The following LIN9 variants were observed in gnomAD, a reference collection of about 807,000 sequenced individuals.
The protein encoded by LIN9 is protein lin-9 homolog.
A neutral mutation model predicts 78.0 loss-of-function variants in LIN9; 18 were observed. The observed-to-expected ratio is 0.23, with a 90% confidence interval of 0.16 to 0.34. The LOEUF is 0.34. LIN9 is among the 10% of genes least tolerant of loss of function. The pLI is 1.00. For synonymous variants in LIN9, 192 were observed against 215.2 expected (o/e 0.89, Z 0.94); for missense variants, 451 against 644.1 (o/e 0.70, Z 3.25).
intron 11 of LIN9, among the ~76,000 whole-genome samples, chr1:226,242,181 G>A (rs1211984946): frequency 6.6e-6 from 1 of 152,214 alleles, no homozygotes; most frequent in African/African-American, 2.4e-5. Flanking sequence ...TTATCAAACA[G>A]TATGGTATTG....
In LIN9 at chr1:226,247,674, C is replaced by CTT. The variant is rs35184021; in HGVS notation, c.1119+3163_1119+3164dup. On this transcript the variant is annotated intron_variant, in intron 11 of 14. Transcript: ENST00000681046. The stretch of plus-strand genomic sequence containing the variant: ...TAATGCCTTGTTGTTTGTTTTCTTT[C>CTT]TTTTTTTTTTTTTTTGAGACAGAGT... 3.8e-3 allele frequency among the ~76,000 whole-genome samples: 522 copies of CTT among 138,868 alleles called. 2 individuals are homozygous for CTT. Among genetic ancestry groups the CTT allele is most frequent in the African/African-American group, 9.5e-3 (357 of 37,670 alleles). 91.1% of individuals were successfully genotyped at this position (138,868 alleles called of 152,430 possible).
In LIN9 at chr1:226,233,439, G is replaced by A. The variant is rs763134401; in HGVS notation, c.1330C>T (p.Arg444Trp). 6.8e-6 allele frequency: 11 copies of A among 1,613,982 alleles called. No individual in the cohort carries two copies. The highest frequency in any genetic ancestry group is 2.2e-5 in the East Asian group (1 of 44,898). Residue 444 changes from arginine to tryptophan, a missense_variant, in exon 13 of 15, where the codon CGG (arginine) becomes TGG (tryptophan). Arg to Trp is a moderately radical substitution (Grantham distance 101, BLOSUM62 -3). Coordinates refer to ENST00000681046, the MANE Select transcript of LIN9 (RefSeq NM_001366245.2). ...TGTCCTGTTGAGGAATTTGCATGCCGAACAATTTCCTGTGCTTCTTCCTCA... is the reference window on the plus strand; with the variant it reads ...TGTCCTGTTGAGGAATTTGCATGCCAAACAATTTCCTGTGCTTCTTCCTCA... ...RCEEEAQEIV[R>W]HANSSTGQPC...
At position 226,308,863 on chromosome 1, in the gene LIN9, G is replaced by A. The variant is rs189624281; in HGVS notation, c.31+246C>T. ...GCAGCCACCGCCTCCGCCTGGCACA[G>A]GCTGGACTCCCGGGCTCTCGGTTTC... is the stretch of plus-strand genomic sequence containing the variant. On this transcript the variant is annotated intron_variant, in intron 1 of 14. Transcript: ENST00000681046. 3.7e-3 allele frequency: 1,071 copies of A among 287,244 alleles called. 13 individuals carry two copies. The highest frequency in any genetic ancestry group is 0.021 in the African/African-American group (976 of 45,484). The allele number at this position is 287,244 out of a possible 1,614,324, so 17.8% of individuals were successfully genotyped here. A position where few individuals can be genotyped will look rare whatever the true frequency, so the allele number is the denominator to read the frequency against.
intron 1 of LIN9, among the ~76,000 whole-genome samples, chr1:226,306,748 TA>T (rs1032300104): frequency 6.6e-6 from 1 of 152,312 alleles, no homozygotes; most frequent in African/African-American, 2.4e-5. Flanking sequence ...CCTCCTTGAC[TA>T]AATGTGGCCA....
intron 14 of LIN9, chr1:226,232,843 G>A (rs546241368): frequency 1.0e-5 from 5 of 487,588 alleles, no homozygotes; most frequent in South Asian, 3.6e-5. Flanking sequence ...CACTGACTGG[G>A]GAAGCTCTAC....
At chr1:226,286,540 T>C in intron 5 of LIN9, 82 bp from the exon 6 acceptor site, 1 of 1,037,602 alleles carries the variant, frequency 9.6e-7, no homozygotes, top group Non-Finnish European at 1.4e-6. Flanking sequence ...AATGCTAAAC[T>C]TTCACTTCTA....
At chr1:226,235,174 T>C (rs181400089) in intron 12 of LIN9, among the ~76,000 whole-genome samples, 37 of 151,678 alleles carry the variant, frequency 2.4e-4, no homozygotes, top group Admixed American at 7.9e-4. Context: ...ATATAAAAAT[T>C]AGCTGGGCAT....
intron 10 of LIN9, among the ~76,000 whole-genome samples, chr1:226,251,711 T>C (rs942985517): frequency 6.6e-6 from 1 of 152,192 alleles, no homozygotes; most frequent in African/African-American, 2.4e-5. Context: ...GCAAATATTA[T>C]TTTAAAAATC....
At chr1:226,282,286 T>A (rs1173629565) in intron 6 of LIN9, among the ~76,000 whole-genome samples, 1 of 152,244 alleles carries the variant, frequency 6.6e-6, no homozygotes, top group Non-Finnish European at 1.5e-5. Context: ...CAAACAATAC[T>A]GCAATAAATA....
intron 1 of LIN9, among the ~76,000 whole-genome samples, chr1:226,304,957 G>T (rs1472920199): frequency 6.6e-6 from 1 of 152,096 alleles, no homozygotes; most frequent in Non-Finnish European, 1.5e-5. Context: ...CCAGCACTTT[G>T]GGGGGCTAAA....
chr1:226,308,955 C>G, intron 1 of LIN9, 154 bp downstream of exon 1: 1 of 635,094 alleles, frequency 1.6e-6, no homozygotes, highest in Non-Finnish European at 2.2e-6. Context: ...GGCGACGCGG[C>G]GGCAACACCG....
intron 12 of LIN9, among the ~76,000 whole-genome samples, chr1:226,236,693 G>A (rs917151131): frequency 1.3e-5 from 2 of 152,096 alleles, no homozygotes; most frequent in African/African-American, 4.8e-5. Context: ...TCCTGACCTC[G>A]TGATCCGCCT....
At position 226,309,154 on chromosome 1, in the gene LIN9, G is replaced by A; in HGVS notation, c.-15C>T. ...AGCTCCGCCATCTTGAACGAGCCGC[G>A]CCGCTTTTTCAAAGGCTGCCCGCCG... On this transcript the variant is annotated 5_prime_UTR_variant, in exon 1 of 15. Coordinates refer to ENST00000681046, the MANE Select transcript of LIN9 (RefSeq NM_001366245.2). 1.4e-6 allele frequency: 2 copies of A among 1,382,964 alleles called. No homozygotes were observed. Among genetic ancestry groups the A allele is most frequent in the Non-Finnish European group, 9.5e-7 (1 of 1,055,140 alleles). 85.7% of individuals were successfully genotyped at this position (1,382,964 alleles called of 1,614,324 possible).
chr1:226,274,506 T>C (rs986620636), intron 7 of LIN9, among the ~76,000 whole-genome samples: 1 of 152,200 alleles, frequency 6.6e-6, no homozygotes, highest in African/African-American at 2.4e-5. Flanking sequence ...ATCTTAGATC[T>C]ATATTTTTGG....
At chr1:226,273,834 CTTT>C (rs572172734) in intron 7 of LIN9, among the ~76,000 whole-genome samples, 1 of 137,130 alleles carries the variant, frequency 7.3e-6, no homozygotes, top group Non-Finnish European at 1.6e-5. Flanking sequence ...CTCAACATTA[CTTT>C]TTTTTTTTTT....
Position 226,277,896 on chromosome 1 carries a change from T to G in LIN9, c.561A>C (p.Ala187=). 1.2e-6 allele frequency: 2 copies of G among 1,613,566 alleles called. No homozygotes were observed. Among genetic ancestry groups the G allele is most frequent in the Non-Finnish European group, 1.7e-6 (2 of 1,179,776 alleles). Residue 187 remains alanine (A), a synonymous_variant, in exon 7 of 15, where the codon GCA becomes GCC. Coordinates refer to ENST00000681046, the MANE Select transcript of LIN9 (RefSeq NM_001366245.2). The stretch of plus-strand genomic sequence containing the variant: ...TTATTTTCTGCCGTTTCTGTTTTAA[T>G]GCTGATCTCTCTTCCTCAAAAAATG... The part of the protein sequence containing the change: ...SSAFFEEERS[A]LKQKRQKIRL...
At position 226,232,692 on chromosome 1, in the gene LIN9, G is replaced by C. The variant is rs1030779493; in HGVS notation, c.1524-86C>G. 6 of 694,448 alleles carry C rather than the reference G, an allele frequency of 8.6e-6. No individual in the cohort carries two copies. In the African/African-American group the frequency reaches 9.1e-5, roughly 11 times the overall value. 43.0% of individuals were successfully genotyped at this position (694,448 alleles called of 1,614,324 possible). Reference sequence around the variant, plus strand: ...AAAAGAAGACCTGAATTTTAGTTAGGAAACAGCTATGATAAATCTTAGGGA... The same window carrying C: ...AAAAGAAGACCTGAATTTTAGTTAGCAAACAGCTATGATAAATCTTAGGGA... On this transcript the variant is annotated intron_variant, in intron 14 of 14. Transcript: ENST00000681046.
chr1:226,270,861 T>C (rs1169599756), intron 7 of LIN9, among the ~76,000 whole-genome samples: 3 of 150,612 alleles, frequency 2.0e-5, no homozygotes, highest in African/African-American at 4.9e-5. Flanking sequence ...GGTTTGTGTA[T>C]GTATGTACTT....
rs764461144 is a variant in LIN9, at chr1:226,233,371, C to T, written c.1398G>A (p.Arg466=). The T allele has an allele frequency of 2.4e-5, 39 of 1,612,110 alleles. No homozygotes were observed. Among genetic ancestry groups the T allele is most frequent in the Admixed American group, 3.4e-5 (2 of 59,626 alleles). ...ENENLTDLIS[R]LTAILLQIKC... ...TAATTTGTAACAAAATAGCTGTAAG[C>T]CTGGAAATTAAGTCTGTCAGATTTT... Residue 466 remains arginine (R), a synonymous_variant, in exon 13 of 15, where the codon AGG becomes AGA. Transcript: ENST00000681046.
Sources: allele counts gnomAD v4.1 joint callset (sites outside exome capture counted in the v4.1 genomes callset), GRCh38; gene constraint gnomAD v4.1.1; transcripts MANE v1.5; gene names NCBI Gene and HGNC (gene_info 2026-07-23, HGNC 2026-07-21).